The following KAT6B variants were observed in gnomAD, a reference collection of about 807,000 sequenced individuals.
KAT6B encodes lysine acetyltransferase 6B, also known as histone acetyltransferase KAT6B.
KAT6B carries 10 observed loss-of-function variants against 187.5 expected under a neutral mutation model. The ratio of observed to expected loss-of-function variants is 0.05; its 90% confidence interval spans 0.03 to 0.09. The LOEUF is 0.09. Among genes scored for constraint, KAT6B ranks in the 10% least tolerant of loss-of-function variants. The pLI is 1.00. For synonymous variants in KAT6B, 861 were observed against 926.8 expected (o/e 0.93, Z 1.29); for missense variants, 1,952 against 2,558.9 (o/e 0.76, Z 5.12).
intron 3 of KAT6B, among the ~76,000 whole-genome samples, chr10:74,876,885 C>G (rs959249074): frequency 6.6e-6 from 1 of 151,686 alleles, no homozygotes; most frequent in African/African-American, 2.4e-5. Context: ...TGCACTCCAG[C>G]CTGAGTGACA....
chr10:74,997,193 C>G (rs1160758658), intron 13 of KAT6B, among the ~76,000 whole-genome samples: 2 of 151,812 alleles, frequency 1.3e-5, no homozygotes, highest in Non-Finnish European at 2.9e-5. Context: ...GAGACCATCT[C>G]TCTCTCTTTC....
intron 3 of KAT6B, among the ~76,000 whole-genome samples, chr10:74,888,230 A>C (rs986979713): frequency 6.6e-6 from 1 of 152,236 alleles, no homozygotes; most frequent in Non-Finnish European, 1.5e-5. Context: ...AATCTTGGGT[A>C]TAGCTGGGAA....
intron 13 of KAT6B, among the ~76,000 whole-genome samples, chr10:74,990,489 T>C (rs113834564): frequency 3.9e-5 from 6 of 152,262 alleles, no homozygotes; most frequent in African/African-American, 9.6e-5. Context: ...ATATGATTTA[T>C]TGACATTGAA....
intron 3 of KAT6B, among the ~76,000 whole-genome samples, chr10:74,932,299 CACA>C (rs1848938176): frequency 1.3e-5 from 2 of 152,262 alleles, no homozygotes; most frequent in South Asian, 4.1e-4. Context: ...ATGTAATTCC[CACA>C]ACAACTATAG....
rs11350370 is a variant in KAT6B, at chr10:74,828,457, GTTT to G, written c.-329+1683_-329+1685del. ...ATGGGGCCCCAAGAAGGTTTTTTGT[GTTT>G]TTTTTTTTTTAAAGTGCATTCTTCC... On this transcript the variant is annotated intron_variant, in intron 1 of 17. Transcript: ENST00000287239. Among the ~76,000 whole-genome samples the G allele has an allele frequency of 8.2e-5, 12 of 147,170 alleles. No individual in the cohort carries two copies. In the East Asian group the frequency reaches 2.0e-3, roughly 24 times the overall value.
chr10:74,937,794 T>A (rs1276859109), intron 3 of KAT6B, among the ~76,000 whole-genome samples: 1 of 152,248 alleles, frequency 6.6e-6, no homozygotes, highest in Admixed American at 6.5e-5. Flanking sequence ...CTTTTGCTCT[T>A]AAATTATTGC....
chr10:74,959,143 G>A (rs959492092), intron 3 of KAT6B, among the ~76,000 whole-genome samples: 19 of 152,022 alleles, frequency 1.2e-4, no homozygotes, highest in African/African-American at 3.6e-4. Flanking sequence ...GAAGACCTTC[G>A]TGGCACAAAA....
At chr10:75,002,705 A>G (rs1017570732) in intron 13 of KAT6B, among the ~76,000 whole-genome samples, 4 of 152,226 alleles carry the variant, frequency 2.6e-5, no homozygotes, top group African/African-American at 7.2e-5. Context: ...ACATATCTAA[A>G]TATAGAAAAG....
In KAT6B at chr10:74,842,619, AGATGTTCTTCACCCGAAT is replaced by A. The variant is rs1372742280; in HGVS notation, c.-237_-220del. The A allele has an allele frequency of 1.0e-5, 6 of 602,998 alleles. No individual in the cohort carries two copies. Among genetic ancestry groups the A allele is most frequent in the African/African-American group, 1.9e-5 (1 of 53,928 alleles). 37.4% of individuals were successfully genotyped at this position (602,998 alleles called of 1,614,324 possible). On this transcript the variant is annotated 5_prime_UTR_variant, in exon 3 of 18. An upstream start codon of the reference 5' UTR is lost. Coordinates refer to ENST00000287239, the MANE Select transcript of KAT6B (RefSeq NM_012330.4). ...TTTAAGGTCTTGATTTCCCAGTTAA[AGATGTTCTTCACCCGAAT>A]GCAGTCTTTCCTGTTGGTAAAATAA... is the stretch of plus-strand genomic sequence containing the variant.
chr10:75,005,541 A>T (rs1191719541), intron 13 of KAT6B, among the ~76,000 whole-genome samples: 1 of 152,112 alleles, frequency 6.6e-6, no homozygotes, highest in South Asian at 2.1e-4. Flanking sequence ...CTATAACTTC[A>T]GCTGGTTGTA....
intron 10 of KAT6B, among the ~76,000 whole-genome samples, chr10:74,980,863 C>G (rs1842466083): frequency 6.6e-6 from 1 of 152,196 alleles, no homozygotes; most frequent in Non-Finnish European, 1.5e-5. Context: ...TTTTGATTTT[C>G]AGCCGTGCTA....
intron 3 of KAT6B, among the ~76,000 whole-genome samples, chr10:74,902,247 TG>T (rs1402199407): frequency 9.8e-5 from 15 of 152,330 alleles, no homozygotes; most frequent in African/African-American, 3.6e-4. Context: ...CTCTAAGTCT[TG>T]CTGTCAACAA....
At chr10:74,932,043 C>G (rs1386748489) in intron 3 of KAT6B, among the ~76,000 whole-genome samples, 4 of 152,174 alleles carry the variant, frequency 2.6e-5, no homozygotes, top group African/African-American at 9.7e-5. Context: ...TATGTGTGTT[C>G]TCTCCCCATG....
chr10:74,843,550 A>G (rs1841895698), intron 3 of KAT6B, 72 bp downstream of exon 3: 1 of 1,563,044 alleles, frequency 6.4e-7, no homozygotes, highest in Non-Finnish European at 8.8e-7. Context: ...CTTAAGTTTT[A>G]TGTGGACAAA....
chr10:75,000,536 T>TA (rs765140515), intron 13 of KAT6B, among the ~76,000 whole-genome samples: 1 of 152,098 alleles, frequency 6.6e-6, no homozygotes, highest in Non-Finnish European at 1.5e-5. Context: ...CTATAAAGGG[T>TA]AAAGGACAGC....
At chr10:74,871,732 G>A (rs1422633597) in intron 3 of KAT6B, among the ~76,000 whole-genome samples, 1 of 152,180 alleles carries the variant, frequency 6.6e-6, no homozygotes, top group African/African-American at 2.4e-5. Context: ...ATACCAAGAT[G>A]AGTAAGAACA....
intron 1 of KAT6B, among the ~76,000 whole-genome samples, chr10:74,830,393 A>T (rs1313215025): frequency 6.6e-6 from 1 of 152,104 alleles, no homozygotes; most frequent in Non-Finnish European, 1.5e-5. Context: ...TCTCTAAGGT[A>T]TACACCTAGG....
intron 3 of KAT6B, among the ~76,000 whole-genome samples, chr10:74,870,211 G>A (rs1843818287): frequency 6.6e-6 from 1 of 152,140 alleles, no homozygotes. Context: ...TTGAGCCTGG[G>A]AGGTTGAGTC....
chr10:74,860,848 A>G lies in KAT6B; in HGVS notation c.621+17370A>G, dbSNP rs556611266. On this transcript the variant is annotated intron_variant, in intron 3 of 17. Coordinates refer to ENST00000287239, the MANE Select transcript of KAT6B (RefSeq NM_012330.4). ...CCCCATCTGTACCAAAAATACAAAA[A>G]TTAGCTGGGCCAGGCGCAGTGGCTC... Among the ~76,000 whole-genome samples the G allele has an allele frequency of 5.9e-5, 9 of 152,190 alleles. No individual in the cohort carries two copies. In the South Asian group the frequency reaches 6.2e-4, roughly 11 times the overall value.
Sources: allele counts gnomAD v4.1 joint callset (sites outside exome capture counted in the v4.1 genomes callset), GRCh38; gene constraint gnomAD v4.1.1; transcripts MANE v1.5; gene names NCBI Gene and HGNC (gene_info 2026-07-23, HGNC 2026-07-21).